Variants in ZBBX observed in about 807,000 individuals in gnomAD.
ZBBX encodes the protein zinc finger B-box domain containing.
ZBBX carries 101 observed loss-of-function variants against 108.5 expected under a neutral mutation model. The ratio of observed to expected loss-of-function variants is 0.93; its 90% CI spans 0.79 to 1.10. The LOEUF (loss-of-function observed/expected upper bound fraction) is 1.10. ZBBX is among the 50% of genes least tolerant of loss of function. The pLI is 0.00. For missense variants in ZBBX, 1,009 were observed against 941.4 expected (o/e 1.07, Z -0.94); for synonymous variants, 356 against 323.4 (o/e 1.10, Z -1.08).
intron 9 of ZBBX, among the ~76,000 whole-genome samples, chr3:167,334,750 G>C (rs1739278803): frequency 6.6e-6 from 1 of 151,856 alleles, no homozygotes; most frequent in Non-Finnish European, 1.5e-5. Flanking sequence ...GATATTTTGT[G>C]CACATCATAA....
At chr3:167,256,792 A>G (rs1472610437) in intron 20 of ZBBX, among the ~76,000 whole-genome samples, 1 of 152,076 alleles carries the variant, frequency 6.6e-6, no homozygotes, top group African/African-American at 2.4e-5. Flanking sequence ...AGTTGCTGCA[A>G]ATGACTGGAT....
At chr3:167,381,840 G>T (rs1434242192), upstream of ZBBX, among the ~76,000 whole-genome samples, 1 of 152,128 alleles carries the variant, frequency 6.6e-6, no homozygotes, top group Admixed American at 6.5e-5. Context: ...AAGTATAAAT[G>T]CATGTCAGCT....
At chr3:167,180,826 G>T in the ZBBX span, among the ~76,000 whole-genome samples, 2 of 152,126 alleles carry the variant, frequency 1.3e-5, no homozygotes, top group South Asian at 4.1e-4. Flanking sequence ...CCAATTTTTT[G>T]GAATCATAGC....
intron 20 of ZBBX, among the ~76,000 whole-genome samples, chr3:167,279,265 G>A (rs1005074038): frequency 5.9e-4 from 89 of 152,106 alleles, no homozygotes; most frequent in African/African-American, 2.0e-3. Flanking sequence ...GGCAGGAGAA[G>A]GAAATAAAGG....
At chr3:167,402,694 T>A (rs1253243740) in intron 1 of ZBBX, among the ~76,000 whole-genome samples, 1 of 151,488 alleles carries the variant, frequency 6.6e-6, no homozygotes, top group African/African-American at 2.4e-5. Context: ...AATATGAGAA[T>A]AGGTGGATAG....
intron 20 of ZBBX, among the ~76,000 whole-genome samples, chr3:167,275,193 G>T (rs1392468084): frequency 2.6e-5 from 4 of 151,974 alleles, no homozygotes; most frequent in Admixed American, 2.0e-4. Flanking sequence ...CCTTCAATCT[G>T]TTCATTCTAC....
downstream of ZBBX, among the ~76,000 whole-genome samples, chr3:167,235,710 A>G (rs903838012): frequency 2.6e-5 from 4 of 151,658 alleles, no homozygotes; most frequent in Admixed American, 1.3e-4. Flanking sequence ...CTTATGGAGA[A>G]CATTAAAAAT....
At chr3:167,313,194 C>T (rs1203101530) in intron 16 of ZBBX, among the ~76,000 whole-genome samples, 1 of 152,146 alleles carries the variant, frequency 6.6e-6, no homozygotes, top group African/African-American at 2.4e-5. Context: ...TGAAACCACA[C>T]ATATGAACAC....
the ZBBX span, among the ~76,000 whole-genome samples, chr3:167,199,170 T>C: frequency 6.6e-6 from 1 of 152,168 alleles, no homozygotes; most frequent in Non-Finnish European, 1.5e-5. Flanking sequence ...TGTGGGCAAC[T>C]GGGACTCAAT....
In ZBBX at chr3:167,242,646, G is replaced by A; in HGVS notation, c.2255-3C>T. On this transcript the variant is annotated splice_polypyrimidine_tract_variant and splice_region_variant and intron_variant, in intron 20 of 21. Coordinates refer to ENST00000675490, the MANE Select transcript of ZBBX (RefSeq NM_001199201.2). ...GCTGTAAAGCTTTTCTGAAGTATCT[G>A]AAATATTTTATTTCATGCATTGTCA... The A allele has an allele frequency of 6.2e-7, 1 of 1,608,446 alleles. No individual in the cohort carries two copies. Among genetic ancestry groups the A allele is most frequent in the South Asian group, 1.1e-5 (1 of 90,158 alleles).
intron 1 of ZBBX, among the ~76,000 whole-genome samples, chr3:167,406,377 C>T (rs894681190): frequency 8.5e-5 from 13 of 152,104 alleles, no homozygotes; most frequent in African/African-American, 1.4e-4. Flanking sequence ...TGAGATTAAA[C>T]GGTGTATGGA....
At chr3:167,284,911 A>G (rs1008980222) in intron 19 of ZBBX, among the ~76,000 whole-genome samples, 2 of 152,174 alleles carry the variant, frequency 1.3e-5, no homozygotes, top group African/African-American at 4.8e-5. Context: ...ATAACACAAC[A>G]TTAACACTGG....
intron 8 of ZBBX, among the ~76,000 whole-genome samples, chr3:167,356,897 A>G (rs1251942218): frequency 6.6e-6 from 1 of 152,198 alleles, no homozygotes; most frequent in East Asian, 1.9e-4. Flanking sequence ...ACAAAGGGCT[A>G]TCAATGTAAG....
intron 20 of ZBBX, among the ~76,000 whole-genome samples, chr3:167,254,012 G>A (rs1384578684): frequency 6.6e-6 from 1 of 152,112 alleles, no homozygotes; most frequent in Non-Finnish European, 1.5e-5. Flanking sequence ...CTCCTGGATT[G>A]GATCCTATAC....
At chr3:167,216,818 C>T in the ZBBX span, among the ~76,000 whole-genome samples, 1 of 152,094 alleles carries the variant, frequency 6.6e-6, no homozygotes, top group South Asian at 2.1e-4. Flanking sequence ...AATAAGGCTG[C>T]ACGTCTATGA....
the ZBBX span, among the ~76,000 whole-genome samples, chr3:167,192,340 G>T: frequency 2.6e-5 from 4 of 151,994 alleles, no homozygotes; most frequent in African/African-American, 7.2e-5. Flanking sequence ...ACTTTTGTTT[G>T]TCTAGGAAAG....
At chr3:167,190,450 G>A in the ZBBX span, among the ~76,000 whole-genome samples, 3 of 147,318 alleles carry the variant, frequency 2.0e-5, no homozygotes, top group Admixed American at 6.9e-5. Context: ...GCGCAATCTC[G>A]GCTCACTGCA....
At chr3:167,244,402 G>A (rs1030407278) in intron 20 of ZBBX, among the ~76,000 whole-genome samples, 2 of 152,180 alleles carry the variant, frequency 1.3e-5, no homozygotes, top group African/African-American at 4.8e-5. Flanking sequence ...GCAATGCTTT[G>A]ATCTAAAGAA....
the ZBBX span, among the ~76,000 whole-genome samples, chr3:167,232,895 T>G: frequency 6.6e-6 from 1 of 151,756 alleles, no homozygotes; most frequent in Non-Finnish European, 1.5e-5. Flanking sequence ...GATGCTGGTT[T>G]GGGACTAGAG....
Sources: allele counts gnomAD v4.1 joint callset (sites outside exome capture counted in the v4.1 genomes callset), GRCh38; gene constraint gnomAD v4.1.1; transcripts MANE v1.5; gene names NCBI Gene and HGNC (gene_info 2026-07-23, HGNC 2026-07-21).